Variants in TMEM132D observed in about 807,000 individuals in gnomAD.
The protein encoded by TMEM132D is transmembrane protein 132D.
A neutral mutation model predicts 62.3 loss-of-function variants in TMEM132D; 21 were observed. That is an observed-to-expected ratio of 0.34 (90% CI 0.24 to 0.49). TMEM132D has a LOEUF of 0.49. TMEM132D is among the 20% of genes least tolerant of loss of function. The pLI, the probability that TMEM132D is intolerant of heterozygous loss-of-function variation, is 0.99. For missense variants in TMEM132D, 1,346 were observed against 1,402.8 expected (o/e 0.96, Z 0.65); for synonymous variants, 621 against 575.6 (o/e 1.08, Z -1.13).
intron 1 of TMEM132D, among the ~76,000 whole-genome samples, chr12:129,722,108 C>A (rs1020031284): frequency 2.6e-5 from 4 of 152,210 alleles, no homozygotes; most frequent in Admixed American, 2.6e-4. Flanking sequence ...AGAAAACCTA[C>A]TTAGGTCCCA....
chr12:129,588,527 T>C (rs1878093786), intron 2 of TMEM132D, among the ~76,000 whole-genome samples: 1 of 152,034 alleles, frequency 6.6e-6, no homozygotes, highest in Non-Finnish European at 1.5e-5. Flanking sequence ...CCAGAGAAGG[T>C]GGATGAAAGG....
intron 1 of TMEM132D, among the ~76,000 whole-genome samples, chr12:129,757,161 T>G (rs1184299018): frequency 3.0e-5 from 2 of 67,768 alleles, no homozygotes; most frequent in Non-Finnish European, 3.3e-5. Context: ...TTATTCATCT[T>G]TTATAACTAT....
intron 1 of TMEM132D, among the ~76,000 whole-genome samples, chr12:129,837,208 A>T (rs980705603): frequency 2.0e-5 from 3 of 152,230 alleles, no homozygotes; most frequent in African/African-American, 7.2e-5. Context: ...TGCATTATTT[A>T]AAATATGCAT....
At chr12:129,355,010 C>T (rs1244404462) in intron 3 of TMEM132D, among the ~76,000 whole-genome samples, 1 of 152,188 alleles carries the variant, frequency 6.6e-6, no homozygotes, top group Non-Finnish European at 1.5e-5. Flanking sequence ...ATAAATTCTG[C>T]AGAAGCAAAG....
intron 3 of TMEM132D, among the ~76,000 whole-genome samples, chr12:129,396,604 G>A (rs1445046315): frequency 1.3e-5 from 2 of 152,184 alleles, no homozygotes; most frequent in African/African-American, 2.4e-5. Context: ...GGGAACTGGG[G>A]CTTTGGAAGT....
At chr12:129,648,765 G>T (rs375857169) in intron 2 of TMEM132D, among the ~76,000 whole-genome samples, 6 of 152,132 alleles carry the variant, frequency 3.9e-5, no homozygotes, top group East Asian at 1.9e-4. Flanking sequence ...AATGAATAAT[G>T]CATCAAATAA....
intron 1 of TMEM132D, among the ~76,000 whole-genome samples, chr12:129,855,154 G>A (rs1477314656): frequency 8.2e-6 from 1 of 121,334 alleles, no homozygotes; most frequent in Non-Finnish European, 1.8e-5. Flanking sequence ...GAACGGGATG[G>A]GTGCCCTTAT....
At chr12:129,424,986 C>G (rs1872451951) in intron 3 of TMEM132D, among the ~76,000 whole-genome samples, 1 of 152,146 alleles carries the variant, frequency 6.6e-6, no homozygotes. Context: ...AATCAATCTA[C>G]TTTCTGTCTC....
chr12:129,362,727 G>A (rs1224098087), intron 3 of TMEM132D, among the ~76,000 whole-genome samples: 3 of 152,008 alleles, frequency 2.0e-5, no homozygotes, highest in Non-Finnish European at 2.9e-5. Context: ...AACTCTTTCT[G>A]CTCAGCATCT....
chr12:129,466,936 T>C (rs906734318), intron 3 of TMEM132D, among the ~76,000 whole-genome samples: 1 of 152,178 alleles, frequency 6.6e-6, no homozygotes, highest in African/African-American at 2.4e-5. Context: ...TCTATTGACC[T>C]ACTCTGCACT....
intron 2 of TMEM132D, among the ~76,000 whole-genome samples, chr12:129,692,247 G>A (rs1283642321): frequency 1.3e-5 from 2 of 152,200 alleles, no homozygotes; most frequent in African/African-American, 4.8e-5. Flanking sequence ...CTCAAGTGGA[G>A]TTTATTCCAG....
At chr12:129,685,328 G>A (rs1355178370) in intron 2 of TMEM132D, among the ~76,000 whole-genome samples, 1 of 152,166 alleles carries the variant, frequency 6.6e-6, no homozygotes, top group East Asian at 1.9e-4. Context: ...CTAGGGAATT[G>A]GTACACTGCA....
intron 3 of TMEM132D, among the ~76,000 whole-genome samples, chr12:129,348,314 A>G (rs886165672): frequency 2.6e-5 from 4 of 152,254 alleles, no homozygotes; most frequent in Non-Finnish European, 5.9e-5. Context: ...CCAAATGCTC[A>G]TCAATGATAG....
At chr12:129,812,270 G>A (rs1872209706) in intron 1 of TMEM132D, among the ~76,000 whole-genome samples, 1 of 151,458 alleles carries the variant, frequency 6.6e-6, no homozygotes, top group Non-Finnish European at 1.5e-5. Flanking sequence ...CTCTCTGTGT[G>A]TCTCTGACAG....
chr12:129,316,438 A>G (rs1868490367), intron 4 of TMEM132D, among the ~76,000 whole-genome samples: 1 of 152,032 alleles, frequency 6.6e-6, no homozygotes, highest in Non-Finnish European at 1.5e-5. Flanking sequence ...TTTGATTTCC[A>G]TGTATTTGCC....
chr12:129,456,345 A>G (rs1433296478), intron 3 of TMEM132D, among the ~76,000 whole-genome samples: 1 of 152,192 alleles, frequency 6.6e-6, no homozygotes, highest in Non-Finnish European at 1.5e-5. Flanking sequence ...CATTATTATT[A>G]TAATCCAGTG....
chr12:129,416,614 C>G (rs1218629584), intron 3 of TMEM132D, among the ~76,000 whole-genome samples: 3 of 152,210 alleles, frequency 2.0e-5, no homozygotes, highest in East Asian at 3.8e-4. Context: ...TTAGAGAGGG[C>G]ATCCTTGTCT....
At chr12:129,186,570 G>A (rs552557153) in intron 5 of TMEM132D, among the ~76,000 whole-genome samples, 5 of 152,166 alleles carry the variant, frequency 3.3e-5, no homozygotes, top group East Asian at 1.9e-4. Context: ...TATTTGTGAC[G>A]GGCAACCCTG....
At chr12:129,828,476 C>G (rs1046622325) in intron 1 of TMEM132D, among the ~76,000 whole-genome samples, 2 of 151,622 alleles carry the variant, frequency 1.3e-5, no homozygotes, top group Non-Finnish European at 2.9e-5. Flanking sequence ...TTAGCATTCA[C>G]AGCAGTCTTC....
Sources: allele counts gnomAD v4.1 joint callset (sites outside exome capture counted in the v4.1 genomes callset), GRCh38; gene constraint gnomAD v4.1.1; transcripts MANE v1.5; gene names NCBI Gene and HGNC (gene_info 2026-07-23, HGNC 2026-07-21).